Variants in DLGAP2 observed in about 807,000 individuals in gnomAD.
The protein encoded by DLGAP2 is DLG associated protein 2, also known as disks large-associated protein 2.
DLGAP2 carries 26 observed loss-of-function variants against 100.3 expected under a neutral mutation model. The observed-to-expected ratio is 0.26, with a 90% CI of 0.19 to 0.36. DLGAP2 has a LOEUF of 0.36. DLGAP2 is among the 10% of genes least tolerant of loss of function. DLGAP2 has a pLI of 1.00. For synonymous variants in DLGAP2, 886 were observed against 630.1 expected, an observed-to-expected ratio of 1.41 and a Z score of -6.08; for missense variants, 1,858 against 1,453.2, an observed-to-expected ratio of 1.28 and a Z score of -4.53.
intron 2 of DLGAP2, among the ~76,000 whole-genome samples, chr8:1,155,532 G>T (rs531573182): frequency 2.7e-5 from 4 of 149,174 alleles, no homozygotes; most frequent in African/African-American, 1.0e-4. Context: ...GGCTGTTGAC[G>T]ACAGCATATG....
chr8:945,313 C>T (rs1193852171), intron 2 of DLGAP2, among the ~76,000 whole-genome samples: 2 of 152,158 alleles, frequency 1.3e-5, no homozygotes, highest in African/African-American at 4.8e-5. Flanking sequence ...CTCTCCTTGG[C>T]CTGTCACCAG....
intron 3 of DLGAP2, among the ~76,000 whole-genome samples, chr8:1,373,302 C>T (rs1045359959): frequency 2.7e-5 from 4 of 145,658 alleles, no homozygotes; most frequent in Middle Eastern, 6.9e-3. Context: ...GGAGCAGGGG[C>T]CGCGGGCGGC....
intron 2 of DLGAP2, among the ~76,000 whole-genome samples, chr8:1,133,962 C>T (rs1796349992): frequency 1.3e-5 from 2 of 151,846 alleles, no homozygotes; most frequent in Admixed American, 1.3e-4. Flanking sequence ...AAGCCCAGTA[C>T]CCATTAGTTA....
At chr8:1,100,731 C>T (rs1316151533) in intron 2 of DLGAP2, among the ~76,000 whole-genome samples, 1 of 152,214 alleles carries the variant, frequency 6.6e-6, no homozygotes, top group African/African-American at 2.4e-5. Context: ...ACTTCATTCT[C>T]TTTCCACGCA....
intron 1 of DLGAP2, among the ~76,000 whole-genome samples, chr8:761,620 A>T (rs968074872): frequency 6.6e-6 from 1 of 152,218 alleles, no homozygotes; most frequent in African/African-American, 2.4e-5. Flanking sequence ...CCCTTAGGGA[A>T]CATCTTCTTT....
chr8:1,414,141 G>T (rs1214850431), intron 3 of DLGAP2, among the ~76,000 whole-genome samples: 1 of 152,176 alleles, frequency 6.6e-6, no homozygotes, highest in African/African-American at 2.4e-5. Context: ...AAAGTGAAGT[G>T]TTCAGGGTTG....
At chr8:1,469,997 A>C (rs1798733393) in intron 3 of DLGAP2, among the ~76,000 whole-genome samples, 1 of 115,806 alleles carries the variant, frequency 8.6e-6, no homozygotes, top group African/African-American at 3.5e-5. Flanking sequence ...CCCTAAAAAA[A>C]AAAAAGAAAA....
chr8:976,161 A>G (rs908574369), intron 2 of DLGAP2, among the ~76,000 whole-genome samples: 4 of 152,230 alleles, frequency 2.6e-5, no homozygotes, highest in Admixed American at 2.6e-4. Context: ...GTATGAAGAA[A>G]GCTACAAAAC....
chr8:1,292,781 C>T (rs898582209), intron 3 of DLGAP2, among the ~76,000 whole-genome samples: 5 of 152,042 alleles, frequency 3.3e-5, no homozygotes, highest in African/African-American at 7.2e-5. Context: ...CCTTTCCACT[C>T]ATGTCACCCC....
chr8:1,582,149 G>A (rs73174722), intron 6 of DLGAP2, among the ~76,000 whole-genome samples: 1 of 107,762 alleles, frequency 9.3e-6, no homozygotes, highest in African/African-American at 3.4e-5. Context: ...CCCCACACAT[G>A]TACACACCAC....
intron 2 of DLGAP2, among the ~76,000 whole-genome samples, chr8:936,226 GC>G (rs1250282937): frequency 6.6e-6 from 1 of 152,158 alleles, no homozygotes; most frequent in African/African-American, 2.4e-5. Flanking sequence ...AGCCTAGAGG[GC>G]CAGAGCAAGC....
At chr8:864,191 G>A (rs771377542) in intron 1 of DLGAP2, among the ~76,000 whole-genome samples, 1 of 152,170 alleles carries the variant, frequency 6.6e-6, no homozygotes, top group Non-Finnish European at 1.5e-5. Context: ...GACTAGGGGA[G>A]GTGGGAGGAC....
At chr8:1,686,879 T>A (rs1799129151) in intron 12 of DLGAP2, among the ~76,000 whole-genome samples, 1 of 152,240 alleles carries the variant, frequency 6.6e-6, no homozygotes, top group Admixed American at 6.5e-5. Context: ...AATTGTAATG[T>A]TCCCAACACA....
chr8:744,272 A>G (rs1820559988), intron 1 of DLGAP2, among the ~76,000 whole-genome samples: 1 of 151,850 alleles, frequency 6.6e-6, no homozygotes, highest in Non-Finnish European at 1.5e-5. Flanking sequence ...CTGTGCTCTG[A>G]CTGTTAGGGT....
At chr8:1,480,629 C>T (rs962347057) in intron 3 of DLGAP2, among the ~76,000 whole-genome samples, 3 of 148,440 alleles carry the variant, frequency 2.0e-5, no homozygotes. Flanking sequence ...GCGGGCGGAT[C>T]ACCTGAGGTC....
chr8:1,673,132 T>C (rs1798731723), intron 10 of DLGAP2, among the ~76,000 whole-genome samples: 1 of 152,192 alleles, frequency 6.6e-6, no homozygotes, highest in Non-Finnish European at 1.5e-5. Flanking sequence ...AGATGAGGGC[T>C]TGCTGTGTTG....
intron 6 of DLGAP2, among the ~76,000 whole-genome samples, chr8:1,591,513 C>T (rs7009291): frequency 0.11 from 16,057 of 148,200 alleles, 1,394 homozygotes; most frequent in African/African-American, 0.25. Context: ...GGCTCAGCCT[C>T]CCCTTTCCTG....
intron 3 of DLGAP2, among the ~76,000 whole-genome samples, chr8:1,390,689 T>G (rs1449591533): frequency 1.3e-5 from 2 of 152,178 alleles, no homozygotes; most frequent in Admixed American, 6.5e-5. Context: ...GAGTCTCTTG[T>G]TGGGTGCTGG....
intron 1 of DLGAP2, among the ~76,000 whole-genome samples, chr8:788,929 G>T (rs769351189): frequency 1.3e-5 from 2 of 152,162 alleles, no homozygotes; most frequent in South Asian, 2.1e-4. Context: ...AAGCACAGAT[G>T]GTTCCTGTGC....
Sources: allele counts gnomAD v4.1 joint callset (sites outside exome capture counted in the v4.1 genomes callset), GRCh38; gene constraint gnomAD v4.1.1; transcripts MANE v1.5; gene names NCBI Gene and HGNC (gene_info 2026-07-23, HGNC 2026-07-21).